Variants in LARP1B observed in about 807,000 individuals in gnomAD.
LARP1B encodes La ribonucleoprotein 1B.
A neutral mutation model predicts 114.2 loss-of-function variants in LARP1B; 76 were observed. That is an observed-to-expected ratio of 0.67 (90% confidence interval 0.55 to 0.81). The LOEUF (loss-of-function observed/expected upper bound fraction) is 0.81. Ranked by LOEUF, LARP1B falls within the 30% of genes least tolerant of loss-of-function variation. LARP1B has a pLI of 0.00. For synonymous variants in LARP1B, 345 were observed against 348.0 expected, an observed-to-expected ratio of 0.99 and a Z score of 0.10; for missense variants, 1,014 against 1,075.8, an observed-to-expected ratio of 0.94 and a Z score of 0.80.
At chr4:128,080,151 AT>A (rs994736731) in intron 4 of LARP1B, among the ~76,000 whole-genome samples, 321 of 140,758 alleles carry the variant, frequency 2.3e-3, no homozygotes, top group Admixed American at 3.1e-3. Context: ...CTAATTTTGT[AT>A]TTTTTTTTTT....
At chr4:128,096,950 G>T (rs112863224) in intron 7 of LARP1B, among the ~76,000 whole-genome samples, 13,884 of 151,964 alleles carry the variant, frequency 0.091, 864 homozygotes, top group Middle Eastern at 0.16. Context: ...CCAGGCTGGA[G>T]TATAGTGGCA....
rs866180291 is a variant in LARP1B, at chr4:128,123,115, A to G, written c.1524+927A>G. ...GGACTGCCTGTCGGTGGGGCTTCAT[A>G]TCATCAACAAGAAGTGTGCTAGCCT... On this transcript the variant is annotated intron_variant, in intron 11 of 19. Transcript: ENST00000326639. The G allele has an allele frequency of 1.6e-5, 16 of 985,302 alleles. No individual in the cohort carries two copies. In the African/African-American group the frequency reaches 2.4e-4, roughly 15 times the overall value. 61.0% of individuals were successfully genotyped at this position (985,302 alleles called of 1,614,324 possible).
At chr4:128,123,967 G>T (rs1249371856) in intron 11 of LARP1B, 1 of 152,212 alleles carries the variant, frequency 6.6e-6, no homozygotes, top group East Asian at 1.9e-4. Flanking sequence ...ACTTTGACCT[G>T]ATTCTTATGT....
chr4:128,096,908 T>C (rs1006984349), intron 7 of LARP1B, among the ~76,000 whole-genome samples: 1 of 151,736 alleles, frequency 6.6e-6, no homozygotes, highest in African/African-American at 2.4e-5. Context: ...CTAACGTCTT[T>C]TATTATTGTT....
chr4:128,211,454 T>G lies in LARP1B; in HGVS notation c.*1401T>G, dbSNP rs1758970828. ...AAATAGGTTTTCATTAAGTTATTTC[T>G]CATGATAAGTAATAATCAGCAGTTT... On this transcript the variant is annotated 3_prime_UTR_variant, in exon 20 of 20. Coordinates refer to ENST00000326639, the MANE Select transcript of LARP1B (RefSeq NM_018078.4). 2.2e-6 allele frequency: 2 copies of G among 918,670 alleles called. No homozygotes were observed. Among genetic ancestry groups the G allele is most frequent in the Non-Finnish European group, 2.6e-6 (2 of 769,356 alleles). The allele number at this position is 918,670 out of a possible 1,614,324, so 56.9% of individuals were successfully genotyped here. A position where few individuals can be genotyped will look rare whatever the true frequency, so the allele number is the denominator to read the frequency against.
chr4:128,082,099 C>T, intron 4 of LARP1B, 66 bp from the exon 5 acceptor site: 3 of 1,437,448 alleles, frequency 2.1e-6, no homozygotes, highest in Non-Finnish European at 2.9e-6. Context: ...GTTCAGAGTG[C>T]TTTCAAATTG....
At chr4:128,209,724 A>C in intron 19 of LARP1B, 132 bp from the exon 20 acceptor site, 1 of 393,930 alleles carries the variant, frequency 2.5e-6, no homozygotes, top group East Asian at 4.8e-5. Context: ...CTCCATCAAA[A>C]AAAAAAAAAA....
At chr4:128,222,356 A>G (rs1278884459) in exon 8 of LARP1B, 1 of 456,692 alleles carries the variant, frequency 2.2e-6, no homozygotes, top group Non-Finnish European at 4.4e-6. Context: ...CAGAATCACC[A>G]TGATCGATTA....
At position 128,091,058 on chromosome 4, in the gene LARP1B, G is replaced by A. The variant is rs776072253; in HGVS notation, c.416G>A (p.Ser139Asn). 4.5e-5 allele frequency: 73 copies of A among 1,613,752 alleles called. No homozygotes were observed. The Middle Eastern group carries it at 8.2e-4, about 18-fold the overall frequency. The change falls in exon 6 of 20, where the codon AGT (serine) becomes AAT (asparagine). Residue 139 changes from serine (S) to asparagine (N), a missense_variant. By Grantham distance (46) the Ser-to-Asn change is conservative. Coordinates refer to ENST00000326639, the MANE Select transcript of LARP1B (RefSeq NM_018078.4). ...DDQDDVSSVR[S>N]EGGNIRGSFR... ...CAAGATGACGTTTCCAGTGTGAGAA[G>A]TGAGGGTGGTAATATCCGAGGTTCC...
chr4:128,061,964 CACAAGGCGCG>C (rs1760275815), intron 1 of LARP1B: 1 of 985,058 alleles, frequency 1.0e-6, no homozygotes, highest in South Asian at 4.7e-5. Flanking sequence ...GCACCTGGCG[CACAAGGCGCG>C]TGGGCCCGGG....
At chr4:128,130,510 G>C (rs771787056) in intron 11 of LARP1B, among the ~76,000 whole-genome samples, 1 of 152,212 alleles carries the variant, frequency 6.6e-6, no homozygotes, top group Non-Finnish European at 1.5e-5. Flanking sequence ...AGATTCATTA[G>C]GAGTGCCAAA....
chr4:128,083,644 G>A (rs1253784899), intron 5 of LARP1B, among the ~76,000 whole-genome samples: 85 of 135,966 alleles, frequency 6.3e-4, no homozygotes, highest in Non-Finnish European at 1.1e-3. Flanking sequence ...CCTCCCTCCC[G>A]GACGGGGCGG....
At chr4:128,171,221 T>C (rs1337274288) in intron 12 of LARP1B, among the ~76,000 whole-genome samples, 2 of 151,970 alleles carry the variant, frequency 1.3e-5, no homozygotes, top group Non-Finnish European at 2.9e-5. Context: ...CTCATACTGC[T>C]GGGTTCAAGC....
chr4:128,189,398 A>G (rs1169619961), intron 15 of LARP1B, among the ~76,000 whole-genome samples: 2 of 109,470 alleles, frequency 1.8e-5, no homozygotes, highest in African/African-American at 3.7e-5. Context: ...CTTTCAGACT[A>G]TGTGTGTCTT....
intron 1 of LARP1B, among the ~76,000 whole-genome samples, chr4:128,072,454 A>G (rs1259401623): frequency 2.0e-5 from 3 of 152,178 alleles, no homozygotes; most frequent in African/African-American, 7.2e-5. Flanking sequence ...TTTCAGTCTT[A>G]GGTGTTCTCT....
intron 15 of LARP1B, among the ~76,000 whole-genome samples, chr4:128,188,247 G>T (rs1361395991): frequency 6.6e-6 from 1 of 151,900 alleles, no homozygotes; most frequent in African/African-American, 2.4e-5. Flanking sequence ...GGTAATTTTT[G>T]TATTTTTAGT....
downstream of LARP1B, among the ~76,000 whole-genome samples, chr4:128,215,770 C>A (rs1759440692): frequency 3.4e-3 from 1 of 294 alleles, no homozygotes; most frequent in Non-Finnish European, 0.017. Flanking sequence ...ATCATAATGA[C>A]AGGATCAAAT....
At chr4:128,102,510 A>C (rs981289175) in intron 8 of LARP1B, among the ~76,000 whole-genome samples, 1 of 152,236 alleles carries the variant, frequency 6.6e-6, no homozygotes, top group African/African-American at 2.4e-5. Context: ...AATATGCTCA[A>C]GTTTTTCCTT....
At chr4:128,082,096 G>A in intron 4 of LARP1B, 69 bp from the exon 5 acceptor site, 1 of 1,387,870 alleles carries the variant, frequency 7.2e-7, no homozygotes, top group Non-Finnish European at 1.0e-6. Flanking sequence ...AAAGTTCAGA[G>A]TGCTTTCAAA....
Sources: allele counts gnomAD v4.1 joint callset (sites outside exome capture counted in the v4.1 genomes callset), GRCh38; gene constraint gnomAD v4.1.1; transcripts MANE v1.5; gene names NCBI Gene and HGNC (gene_info 2026-07-23, HGNC 2026-07-21).